Variants in NXPH2 observed in about 807,000 individuals in gnomAD.
NXPH2 encodes neurexophilin-2.
A neutral mutation model predicts 19.8 loss-of-function variants in NXPH2; 5 were observed. The observed-to-expected ratio is 0.25, with a 90% CI of 0.13 to 0.53. NXPH2 has a LOEUF of 0.53. NXPH2 is among the 20% of genes least tolerant of loss of function. NXPH2 has a pLI of 0.96. For missense variants in NXPH2, 289 were observed against 322.8 expected (o/e 0.90, Z 0.80); for synonymous variants, 154 against 127.4 (o/e 1.21, Z -1.41).
intron 1 of NXPH2, among the ~76,000 whole-genome samples, chr2:138,724,940 G>A (rs1222846959): frequency 6.6e-6 from 1 of 152,210 alleles, no homozygotes; most frequent in East Asian, 1.9e-4. Context: ...TATGCCAATG[G>A]TGACATTTGC....
At chr2:138,707,114 A>G (rs1350262950) in intron 1 of NXPH2, among the ~76,000 whole-genome samples, 2 of 140,156 alleles carry the variant, frequency 1.4e-5, no homozygotes, top group African/African-American at 2.6e-5. Context: ...AAAAAAAAAG[A>G]GCAAGAAGAA....
chr2:138,738,645 C>G (rs1266172537), intron 1 of NXPH2, among the ~76,000 whole-genome samples: 1 of 152,084 alleles, frequency 6.6e-6, no homozygotes, highest in Admixed American at 6.6e-5. Context: ...AGTCTTGTTC[C>G]TACAACAAAG....
chr2:138,732,351 TG>T (rs1681465333), intron 1 of NXPH2, among the ~76,000 whole-genome samples: 1 of 152,184 alleles, frequency 6.6e-6, no homozygotes, highest in African/African-American at 2.4e-5. Flanking sequence ...CATCCAGCAC[TG>T]GAAGAGTAGG....
At chr2:138,747,291 G>A (rs543593783) in intron 1 of NXPH2, among the ~76,000 whole-genome samples, 4 of 152,260 alleles carry the variant, frequency 2.6e-5, no homozygotes, top group African/African-American at 9.6e-5. Context: ...CTGGATGTCA[G>A]GTGTTCTGGG....
chr2:138,702,781 A>G (rs1680950861), intron 1 of NXPH2, among the ~76,000 whole-genome samples: 1 of 152,226 alleles, frequency 6.6e-6, no homozygotes, highest in African/African-American at 2.4e-5. Flanking sequence ...AACAACAACA[A>G]CAACAACAAA....
intron 1 of NXPH2, among the ~76,000 whole-genome samples, chr2:138,692,519 G>C (rs752033825): frequency 6.6e-6 from 1 of 152,112 alleles, no homozygotes; most frequent in Non-Finnish European, 1.5e-5. Context: ...TTGCCATAAA[G>C]AGAATTCTTG....
At chr2:138,751,385 A>G (rs539865106) in intron 1 of NXPH2, among the ~76,000 whole-genome samples, 1 of 152,288 alleles carries the variant, frequency 6.6e-6, no homozygotes, top group Admixed American at 6.5e-5. Flanking sequence ...TGTATTCCAA[A>G]ATACATGAAC....
At chr2:138,776,264 C>T (rs552267906) in intron 1 of NXPH2, among the ~76,000 whole-genome samples, 55 of 151,972 alleles carry the variant, frequency 3.6e-4, no homozygotes, top group African/African-American at 1.3e-3. Flanking sequence ...AGCTTTCTGC[C>T]TTATTTAGCA....
At position 138,761,814 on chromosome 2, in the gene NXPH2, G is replaced by A. The variant is rs191465224; in HGVS notation, c.51+18377C>T. On this transcript the variant is annotated intron_variant, in intron 1 of 1. Coordinates refer to ENST00000272641, the MANE Select transcript of NXPH2 (RefSeq NM_007226.3). ...AAGCAAAATATGTTTTATCTTATGC[G>A]TCCAAAAGGCAGGCATCTAAAGCTA... Among the ~76,000 whole-genome samples, 79 of 152,280 alleles carry A rather than the reference G, an allele frequency of 5.2e-4. No homozygotes were observed. The Middle Eastern group carries it at 0.017, about 33-fold the overall frequency.
chr2:138,712,137 T>A (rs1181314737), intron 1 of NXPH2, among the ~76,000 whole-genome samples: 1 of 152,178 alleles, frequency 6.6e-6, no homozygotes, highest in Non-Finnish European at 1.5e-5. Flanking sequence ...CATCAGCTCA[T>A]GGAACTGATG....
intron 1 of NXPH2, among the ~76,000 whole-genome samples, chr2:138,739,313 G>A (rs1399402352): frequency 1.3e-5 from 2 of 152,128 alleles, no homozygotes; most frequent in East Asian, 3.8e-4. Context: ...GAAACCATCA[G>A]ACATATATAA....
chr2:138,709,443 C>A (rs1021392159), intron 1 of NXPH2, among the ~76,000 whole-genome samples: 1 of 151,242 alleles, frequency 6.6e-6, no homozygotes, highest in Non-Finnish European at 1.5e-5. Flanking sequence ...TATACCCCTG[C>A]CCCCCTCCCT....
At chr2:138,733,393 A>C (rs1445278211) in intron 1 of NXPH2, among the ~76,000 whole-genome samples, 1 of 152,186 alleles carries the variant, frequency 6.6e-6, no homozygotes, top group Non-Finnish European at 1.5e-5. Context: ...TGGATATTTT[A>C]TTTCTGTGTA....
intron 1 of NXPH2, among the ~76,000 whole-genome samples, chr2:138,703,503 T>C (rs1346370330): frequency 6.6e-6 from 1 of 152,148 alleles, no homozygotes; most frequent in Non-Finnish European, 1.5e-5. Context: ...AAGTGAAATA[T>C]GCATCCTGGG....
In NXPH2 at chr2:138,686,087, A is replaced by G. The variant is rs533549179; in HGVS notation, c.52-14422T>C. 4.7e-4 allele frequency among the ~76,000 whole-genome samples: 71 copies of G among 152,314 alleles called. 1 individual carries two copies. In the South Asian group the frequency reaches 5.0e-3, roughly 11 times the overall value. ...ACCTCTCACAACTTTTTATTTCCTT[A>G]GACCACTTTGGGAAATGTTTTAAAT... On this transcript the variant is annotated intron_variant, in intron 1 of 1. Transcript: ENST00000272641.
At chr2:138,754,599 G>A (rs1376144479) in intron 1 of NXPH2, among the ~76,000 whole-genome samples, 1 of 152,136 alleles carries the variant, frequency 6.6e-6, no homozygotes, top group African/African-American at 2.4e-5. Flanking sequence ...TAGAAGCACA[G>A]CTTGTGTGCT....
At chr2:138,682,209 A>G (rs1418920658) in intron 1 of NXPH2, among the ~76,000 whole-genome samples, 3 of 152,230 alleles carry the variant, frequency 2.0e-5, no homozygotes, top group Non-Finnish European at 4.4e-5. Context: ...CAAACAAAAT[A>G]TATAATTAAT....
chr2:138,720,831 A>G (rs113499356), intron 1 of NXPH2, among the ~76,000 whole-genome samples: 7,991 of 152,262 alleles, frequency 0.052, 309 homozygotes, highest in Middle Eastern at 0.092. Flanking sequence ...GCTGTTGTGA[A>G]CATTAAACCA....
intron 1 of NXPH2, among the ~76,000 whole-genome samples, chr2:138,683,732 ATCAGTCCACTTTTTGCTGT>A (rs1680610207): frequency 6.6e-6 from 1 of 152,222 alleles, no homozygotes; most frequent in Admixed American, 6.5e-5. Context: ...TGTATCTACA[ATCAGTCCACTTTTTGCTGT>A]TGTTGTGTTT....
Sources: gnomAD v4.1 joint callset for allele counts (sites outside exome capture counted in the v4.1 genomes callset) on GRCh38, gnomAD v4.1.1 for gene constraint, MANE v1.5 for transcripts, NCBI Gene and HGNC (gene_info 2026-07-23, HGNC 2026-07-21) for gene names.